FRMD4B: variants seen among roughly 807,000 people sequenced by gnomAD.
FRMD4B encodes FERM domain containing 4B.
A neutral mutation model predicts 141.5 loss-of-function variants in FRMD4B; 74 were observed. The observed-to-expected ratio is 0.52, with a 90% CI of 0.43 to 0.63. The LOEUF (loss-of-function observed/expected upper bound fraction) is 0.63. FRMD4B is among the 30% of genes least tolerant of loss of function. The pLI, the probability that FRMD4B is intolerant of heterozygous loss-of-function variation, is 0.00. For synonymous variants in FRMD4B, 506 were observed against 467.9 expected (o/e 1.08, Z -1.05); for missense variants, 1,366 against 1,253.4 (o/e 1.09, Z -1.36).
chr3:69,531,796 G>C (rs1015952507), intron 1 of FRMD4B, among the ~76,000 whole-genome samples: 8 of 152,164 alleles, frequency 5.3e-5, no homozygotes, highest in African/African-American at 1.9e-4. Context: ...AAAGTACAAT[G>C]AGAACCACTC....
chr3:69,371,593 A>C (rs1302793082), intron 1 of FRMD4B, among the ~76,000 whole-genome samples: 2 of 152,192 alleles, frequency 1.3e-5, no homozygotes, highest in African/African-American at 4.8e-5. Context: ...TATTGCAACA[A>C]ACCAGCTAAG....
intron 2 of FRMD4B, among the ~76,000 whole-genome samples, chr3:69,431,040 A>G (rs1299616147): frequency 6.6e-6 from 1 of 151,990 alleles, no homozygotes; most frequent in African/African-American, 2.4e-5. Context: ...GCCAGGCTGC[A>G]TTGTGCAGTG....
At chr3:69,270,617 G>A (rs2093590165) in intron 5 of FRMD4B, among the ~76,000 whole-genome samples, 1 of 144,324 alleles carries the variant, frequency 6.9e-6, no homozygotes, top group African/African-American at 2.6e-5. Context: ...CCAGGCTATA[G>A]TGCAGTGGCA....
intron 19 of FRMD4B, among the ~76,000 whole-genome samples, chr3:69,183,558 C>T (rs923197688): frequency 2.8e-5 from 4 of 143,178 alleles, no homozygotes; most frequent in African/African-American, 1.1e-4. Context: ...TTTTGGCTCA[C>T]TGCAAGCCCC....
chr3:69,511,743 C>G (rs1706692242), intron 1 of FRMD4B, among the ~76,000 whole-genome samples: 1 of 152,164 alleles, frequency 6.6e-6, no homozygotes, highest in Non-Finnish European at 1.5e-5. Context: ...TTCTTCCTTC[C>G]CCTTCTCCTT....
intron 1 of FRMD4B, among the ~76,000 whole-genome samples, chr3:69,332,886 C>T (rs552383829): frequency 5.5e-4 from 84 of 151,770 alleles, no homozygotes; most frequent in Non-Finnish European, 6.9e-4. Flanking sequence ...GCCAGGAGCT[C>T]CTTTTTTCTA....
chr3:69,533,898 C>T (rs1701041679), intron 1 of FRMD4B, among the ~76,000 whole-genome samples: 1 of 152,200 alleles, frequency 6.6e-6, no homozygotes, highest in African/African-American at 2.4e-5. Context: ...CTCTTCCTAA[C>T]ATGATTACGC....
intron 11 of FRMD4B, among the ~76,000 whole-genome samples, chr3:69,201,455 T>C (rs1368927031): frequency 2.6e-5 from 4 of 152,178 alleles, no homozygotes; most frequent in Non-Finnish European, 4.4e-5. Context: ...AGTTTATATA[T>C]ATAAAATGAA....
At chr3:69,397,970 G>C (rs1265576628) in intron 2 of FRMD4B, among the ~76,000 whole-genome samples, 1 of 152,130 alleles carries the variant, frequency 6.6e-6, no homozygotes, top group Non-Finnish European at 1.5e-5. Context: ...TCCACAATGA[G>C]TGTGTAATAC....
chr3:69,463,529 T>C (rs1044755731), intron 1 of FRMD4B, among the ~76,000 whole-genome samples: 4 of 152,232 alleles, frequency 2.6e-5, no homozygotes, highest in African/African-American at 9.6e-5. Context: ...TAGATCCTAA[T>C]TTTTTATCTT....
intron 1 of FRMD4B, among the ~76,000 whole-genome samples, chr3:69,323,647 T>TATAC (rs1393651810): frequency 7.7e-6 from 1 of 130,648 alleles, no homozygotes; most frequent in Non-Finnish European, 1.6e-5. Flanking sequence ...TATATATATA[T>TATAC]ATATATGCGT....
intron 7 of FRMD4B, among the ~76,000 whole-genome samples, chr3:69,231,833 G>C (rs558983530): frequency 6.6e-5 from 10 of 152,276 alleles, no homozygotes; most frequent in Admixed American, 5.9e-4. Context: ...TATTATAGAA[G>C]GTTAAGCTCG....
At chr3:69,207,879 AGC>A (rs1164552183) in intron 11 of FRMD4B, among the ~76,000 whole-genome samples, 23 of 152,016 alleles carry the variant, frequency 1.5e-4, no homozygotes, top group Non-Finnish European at 2.8e-4. Flanking sequence ...CTTTTCTTCT[AGC>A]AGCATCTTCC....
intron 1 of FRMD4B, among the ~76,000 whole-genome samples, chr3:69,528,277 C>A (rs1299212071): frequency 1.4e-5 from 2 of 145,622 alleles, no homozygotes; most frequent in Non-Finnish European, 3.0e-5. Flanking sequence ...TTCCTACCTT[C>A]CTTCCTTCCT....
chr3:69,341,467 G>T (rs1702736441), intron 1 of FRMD4B, among the ~76,000 whole-genome samples: 1 of 152,218 alleles, frequency 6.6e-6, no homozygotes, highest in Admixed American at 6.5e-5. Context: ...CCTGCTCCCA[G>T]AGAAACAGTA....
intron 11 of FRMD4B, chr3:69,200,616 A>C: frequency 1.7e-6 from 2 of 1,205,088 alleles, no homozygotes; most frequent in Non-Finnish European, 2.1e-6. Context: ...ACACCTCCCT[A>C]ATTCTACTCC....
chr3:69,275,426 TTCTCTC>T (rs200522020), intron 5 of FRMD4B, among the ~76,000 whole-genome samples: 1 of 140,424 alleles, frequency 7.1e-6, no homozygotes. Flanking sequence ...AATGTTTTTA[TTCTCTC>T]TCTCTCTCTC....
chr3:69,198,890 A>C (rs1185821552), intron 11 of FRMD4B, 116 bp from the exon 12 acceptor site: 2 of 646,910 alleles, frequency 3.1e-6, no homozygotes, highest in Non-Finnish European at 5.6e-6. Context: ...ATACGATGAA[A>C]CATGAATATG....
At chr3:69,475,838 C>T (rs942458048) in intron 1 of FRMD4B, among the ~76,000 whole-genome samples, 114 of 151,848 alleles carry the variant, frequency 7.5e-4, no homozygotes, top group African/African-American at 2.6e-3. Context: ...TAAAACTGTT[C>T]CTATTTCTCC....
Sources: allele counts gnomAD v4.1 joint callset (sites outside exome capture counted in the v4.1 genomes callset), GRCh38; gene constraint gnomAD v4.1.1; transcripts MANE v1.5; gene names NCBI Gene and HGNC (gene_info 2026-07-23, HGNC 2026-07-21).